Variants in KDM4C observed in about 807,000 individuals in gnomAD.
KDM4C encodes the protein lysine-specific demethylase 4C.
A neutral mutation model predicts 129.3 loss-of-function variants in KDM4C; 81 were observed. The observed-to-expected ratio is 0.63, with a 90% CI of 0.52 to 0.75. The LOEUF (loss-of-function observed/expected upper bound fraction) is 0.75. Ranked by LOEUF, KDM4C falls within the 30% of genes least tolerant of loss-of-function variation. The probability of loss-of-function intolerance (pLI) is 0.00; values close to 1 mark genes in which losing one functional copy is unlikely to be tolerated. For synonymous variants in KDM4C, 573 were observed against 456.1 expected, an observed-to-expected ratio of 1.26 and a Z score of -3.26; for missense variants, 1,457 against 1,304.0, an observed-to-expected ratio of 1.12 and a Z score of -1.81.
intron 5 of KDM4C, among the ~76,000 whole-genome samples, chr9:6,854,977 C>G (rs1345224360): frequency 1.3e-5 from 2 of 152,142 alleles, no homozygotes; most frequent in African/African-American, 2.4e-5. Flanking sequence ...TGGCACCCAC[C>G]TTGTAAGGCA....
chr9:6,922,310 T>G (rs1821675401), intron 8 of KDM4C, among the ~76,000 whole-genome samples: 1 of 152,254 alleles, frequency 6.6e-6, no homozygotes, highest in Non-Finnish European at 1.5e-5. Flanking sequence ...GCAGGGCATG[T>G]GCATAGTACT....
chr9:6,790,045 G>T (rs1490184476), intron 1 of KDM4C, among the ~76,000 whole-genome samples: 2 of 150,472 alleles, frequency 1.3e-5, no homozygotes, highest in African/African-American at 4.9e-5. Context: ...AGGCCGAGGC[G>T]GGTGGGATCG....
At chr9:7,062,166 C>T (rs180688290) in intron 17 of KDM4C, among the ~76,000 whole-genome samples, 3 of 152,292 alleles carry the variant, frequency 2.0e-5, no homozygotes, top group Admixed American at 1.3e-4. Flanking sequence ...GACGGGGTGT[C>T]ACCGTGTTAG....
intron 5 of KDM4C, among the ~76,000 whole-genome samples, chr9:6,861,849 G>C (rs1353798665): frequency 1.3e-5 from 2 of 150,986 alleles, no homozygotes; most frequent in Admixed American, 6.6e-5. Context: ...GATCTCGGCT[G>C]TAACTGCTGC....
chr9:6,996,106 A>G (rs1332377866), intron 12 of KDM4C, among the ~76,000 whole-genome samples: 1 of 152,198 alleles, frequency 6.6e-6, no homozygotes, highest in Non-Finnish European at 1.5e-5. Flanking sequence ...TGAGGTAATT[A>G]ATTTCTCATC....
At chr9:7,051,335 C>G (rs1470219905) in intron 17 of KDM4C, among the ~76,000 whole-genome samples, 1 of 152,144 alleles carries the variant, frequency 6.6e-6, no homozygotes, top group African/African-American at 2.4e-5. Context: ...AATCATCACC[C>G]TTGTGAGTCC....
intron 18 of KDM4C, among the ~76,000 whole-genome samples, chr9:7,125,943 T>C (rs1157710604): frequency 6.6e-6 from 1 of 152,212 alleles, no homozygotes; most frequent in Non-Finnish European, 1.5e-5. Flanking sequence ...AGATGTTGGC[T>C]GCAGTCTCTT....
At chr9:6,768,429 C>T (rs1182891902) in intron 1 of KDM4C, among the ~76,000 whole-genome samples, 1 of 151,272 alleles carries the variant, frequency 6.6e-6, no homozygotes, top group East Asian at 1.9e-4. Context: ...CATTTTTTTA[C>T]ACAAATGGTT....
intron 5 of KDM4C, among the ~76,000 whole-genome samples, chr9:6,857,410 A>G (rs1327080581): frequency 6.6e-6 from 1 of 152,232 alleles, no homozygotes; most frequent in Non-Finnish European, 1.5e-5. Context: ...AGAAGAAGAG[A>G]ATACAGTGCT....
At chr9:6,796,101 A>C (rs892581404) in intron 2 of KDM4C, among the ~76,000 whole-genome samples, 1 of 152,244 alleles carries the variant, frequency 6.6e-6, no homozygotes, top group African/African-American at 2.4e-5. Flanking sequence ...TGACTTTCTC[A>C]GATGAGCTAT....
At chr9:7,131,027 C>G (rs2133370637) in intron 19 of KDM4C, among the ~76,000 whole-genome samples, 1 of 152,024 alleles carries the variant, frequency 6.6e-6, no homozygotes, top group Admixed American at 6.5e-5. Context: ...CCTCGGCATC[C>G]CAAAGTGCTG....
intron 17 of KDM4C, among the ~76,000 whole-genome samples, chr9:7,092,694 A>G (rs562443937): frequency 6.6e-6 from 1 of 152,270 alleles, no homozygotes; most frequent in African/African-American, 2.4e-5. Flanking sequence ...GAATTCCAGG[A>G]TGGACTGGGT....
chr9:6,794,429 A>T (rs902552082), intron 2 of KDM4C, among the ~76,000 whole-genome samples: 2 of 152,302 alleles, frequency 1.3e-5, no homozygotes, highest in African/African-American at 4.8e-5. Flanking sequence ...ATGGTAAGGC[A>T]TTTGGGATTT....
intron 17 of KDM4C, among the ~76,000 whole-genome samples, chr9:7,071,831 A>G (rs1425901909): frequency 6.6e-6 from 1 of 152,206 alleles, no homozygotes; most frequent in Non-Finnish European, 1.5e-5. Context: ...GTCTACGGCC[A>G]TACCACCCTG....
At chr9:6,853,986 A>T (rs557240486) in intron 5 of KDM4C, among the ~76,000 whole-genome samples, 1 of 152,226 alleles carries the variant, frequency 6.6e-6, no homozygotes, top group Non-Finnish European at 1.5e-5. Flanking sequence ...GTAAAGTATT[A>T]TACAAATACT....
chr9:6,906,781 T>C (rs866575232), intron 8 of KDM4C, among the ~76,000 whole-genome samples: 22 of 151,894 alleles, frequency 1.4e-4, no homozygotes, highest in African/African-American at 5.3e-4. Flanking sequence ...TTACTAAAAG[T>C]GTTTGGCATT....
chr9:6,911,472 A>G (rs183163562), intron 8 of KDM4C, among the ~76,000 whole-genome samples: 7 of 152,350 alleles, frequency 4.6e-5, no homozygotes, highest in Middle Eastern at 6.8e-3. Flanking sequence ...GATGAATTAC[A>G]TATCCCGATT....
intron 21 of KDM4C, 51 bp from the exon 22 acceptor site, chr9:7,174,502 C>T (rs1373749224): frequency 1.3e-6 from 2 of 1,561,944 alleles, no homozygotes; most frequent in Admixed American, 1.7e-5. Flanking sequence ...GTCCAGTGTT[C>T]TGAAGATCAA....
chr9:7,138,576 G>A (rs1202318874), intron 19 of KDM4C, among the ~76,000 whole-genome samples: 1 of 151,932 alleles, frequency 6.6e-6, no homozygotes, highest in African/African-American at 2.4e-5. Context: ...GCGCTTTGGG[G>A]CACCAAAGCA....
Sources: allele counts gnomAD v4.1 joint callset (sites outside exome capture counted in the v4.1 genomes callset), GRCh38; gene constraint gnomAD v4.1.1; transcripts MANE v1.5; gene names NCBI Gene and HGNC (gene_info 2026-07-23, HGNC 2026-07-21).